Variants in MTFR1 observed in about 807,000 individuals in gnomAD.
MTFR1 encodes chondrocyte protein with a poly-proline region.
MTFR1 carries 28 observed loss-of-function variants against 38.8 expected under a neutral mutation model. The ratio of observed to expected loss-of-function variants is 0.72; its 90% CI spans 0.53 to 0.99. The LOEUF (loss-of-function observed/expected upper bound fraction) is 0.99. Among genes scored for constraint, MTFR1 ranks in the 50% least tolerant of loss-of-function variants. The pLI is 0.00. For missense variants in MTFR1, 358 were observed against 395.5 expected, an observed-to-expected ratio of 0.91 and a Z score of 0.81; for synonymous variants, 145 against 137.0, an observed-to-expected ratio of 1.06 and a Z score of -0.41.
chr8:65,677,929 T>G (rs1804761233), intron 2 of MTFR1, among the ~76,000 whole-genome samples: 1 of 150,940 alleles, frequency 6.6e-6, no homozygotes, highest in Admixed American at 6.6e-5. Flanking sequence ...GGCAGGAGAA[T>G]TGCTTGAACC....
chr8:65,724,323 T>G, intron 3 of MTFR1: 1 of 1,612,510 alleles, frequency 6.2e-7, no homozygotes. Flanking sequence ...CCGACATGGG[T>G]TACAAATATC....
intron 3 of MTFR1, among the ~76,000 whole-genome samples, chr8:65,770,072 T>C (rs1272283666): frequency 6.6e-6 from 1 of 152,114 alleles, no homozygotes; most frequent in Non-Finnish European, 1.5e-5. Context: ...GAACACTCTA[T>C]TCTCAGATAT....
intron 3 of MTFR1, among the ~76,000 whole-genome samples, chr8:65,744,354 T>C (rs984311660): frequency 2.6e-5 from 4 of 152,140 alleles, no homozygotes; most frequent in African/African-American, 7.2e-5. Context: ...TACTAAAAGG[T>C]AGAACTGCCT....
At chr8:65,766,929 A>G (rs542185102) in intron 3 of MTFR1, among the ~76,000 whole-genome samples, 4 of 152,090 alleles carry the variant, frequency 2.6e-5, no homozygotes, top group East Asian at 1.9e-4. Flanking sequence ...AAGTTTCTCA[A>G]TGGGTCTTGG....
the MTFR1 span, among the ~76,000 whole-genome samples, chr8:65,778,545 A>C: frequency 1.3e-5 from 2 of 152,210 alleles, no homozygotes; most frequent in African/African-American, 4.8e-5. Flanking sequence ...ACCCTGACTG[A>C]ATTCCTGATT....
intron 7 of MTFR1, 114 bp from the exon 8 acceptor site, chr8:65,708,862 T>C (rs1805860969): frequency 1.1e-6 from 1 of 947,706 alleles, no homozygotes; most frequent in South Asian, 1.4e-5. Flanking sequence ...CAGTAGTTGC[T>C]TGGTTTTTCA....
chr8:65,661,632 AATAAATAC>A (rs1418396344), intron 1 of MTFR1, among the ~76,000 whole-genome samples: 2 of 152,124 alleles, frequency 1.3e-5, no homozygotes, highest in African/African-American at 2.4e-5. Flanking sequence ...CTGTCTCAAA[AATAAATAC>A]ATAAATACAT....
chr8:65,720,291 A>C (rs1263641415), intron 3 of MTFR1: 1 of 153,896 alleles, frequency 6.5e-6, no homozygotes, highest in African/African-American at 2.4e-5. Flanking sequence ...TATCAATCAA[A>C]TCATATTATA....
chr8:65,703,681 C>A (rs1805690991), intron 4 of MTFR1, among the ~76,000 whole-genome samples: 4 of 152,000 alleles, frequency 2.6e-5, no homozygotes, highest in Admixed American at 2.0e-4. Flanking sequence ...GTGATCCACC[C>A]ACCTTGGGCT....
At chr8:65,694,940 A>G (rs747083972) in intron 4 of MTFR1, among the ~76,000 whole-genome samples, 1 of 152,226 alleles carries the variant, frequency 6.6e-6, no homozygotes, top group Non-Finnish European at 1.5e-5. Flanking sequence ...GCAGAAAAGA[A>G]GGATAAGCTG....
intron 3 of MTFR1, chr8:65,721,712 T>C (rs560828200): frequency 2.2e-4 from 33 of 152,302 alleles, no homozygotes; most frequent in African/African-American, 7.7e-4. Context: ...AGGGAGTAGT[T>C]TACTAGGATA....
At chr8:65,744,405 C>A (rs1315666496) in intron 3 of MTFR1, among the ~76,000 whole-genome samples, 1 of 152,090 alleles carries the variant, frequency 6.6e-6, no homozygotes. Context: ...ATAATTATGC[C>A]CACAATTTTA....
At chr8:65,772,591 G>C (rs1809137067), downstream of MTFR1, among the ~76,000 whole-genome samples, 1 of 152,156 alleles carries the variant, frequency 6.6e-6, no homozygotes, top group African/African-American at 2.4e-5. Context: ...GTGCAAGGGA[G>C]AAAGGAAATA....
intron 3 of MTFR1, among the ~76,000 whole-genome samples, chr8:65,737,219 G>A (rs182050262): frequency 1.3e-5 from 2 of 152,156 alleles, no homozygotes; most frequent in East Asian, 3.9e-4. Context: ...ATCCATTGAA[G>A]CCAATGGATT....
chr8:65,662,793 C>T (rs550442388), intron 1 of MTFR1, among the ~76,000 whole-genome samples: 141 of 150,856 alleles, frequency 9.3e-4, no homozygotes, highest in African/African-American at 3.2e-3. Context: ...CAGCAGCCAC[C>T]CCGTCCGGGA....
intron 3 of MTFR1, chr8:65,723,408 G>A: frequency 1.1e-6 from 1 of 892,654 alleles, no homozygotes; most frequent in East Asian, 3.7e-5. Flanking sequence ...GAAAACAAGG[G>A]TAAAATTTCT....
At chr8:65,734,797 A>G in intron 3 of MTFR1, 1 of 1,562,744 alleles carries the variant, frequency 6.4e-7, no homozygotes, top group South Asian at 1.1e-5. Context: ...CTCTTACCTT[A>G]GGTTCCTTTA....
At chr8:65,695,356 T>TG (rs906455919) in intron 4 of MTFR1, among the ~76,000 whole-genome samples, 109 of 152,004 alleles carry the variant, frequency 7.2e-4, no homozygotes, top group Non-Finnish European at 1.5e-3. Flanking sequence ...AATTTTTTTT[T>TG]TTGTTTTGTT....
intron 3 of MTFR1, among the ~76,000 whole-genome samples, chr8:65,735,799 T>C (rs1807105900): frequency 6.6e-6 from 1 of 152,176 alleles, no homozygotes; most frequent in South Asian, 2.1e-4. Flanking sequence ...CTAATTTTTG[T>C]ATTTTTGTCA....
Sources: allele counts gnomAD v4.1 joint callset (sites outside exome capture counted in the v4.1 genomes callset), GRCh38; gene constraint gnomAD v4.1.1; transcripts MANE v1.5; gene names NCBI Gene and HGNC (gene_info 2026-07-23, HGNC 2026-07-21).